The following MAF variants were observed in gnomAD, a reference collection of about 807,000 sequenced individuals.
MAF encodes the protein transcription factor Maf.
MAF carries 10 observed loss-of-function variants against 22.0 expected under a neutral mutation model. The observed-to-expected ratio is 0.45, with a 90% CI of 0.28 to 0.77. The LOEUF is 0.77. Among genes scored for constraint, MAF ranks in the 30% least tolerant of loss-of-function variants. MAF has a pLI of 0.12. For missense variants in MAF, 544 were observed against 548.4 expected (o/e 0.99, Z 0.08); for synonymous variants, 337 against 255.8 (o/e 1.32, Z -3.03).
chr16:79,574,131 G>T, the MAF span, among the ~76,000 whole-genome samples: 1 of 152,188 alleles, frequency 6.6e-6, no homozygotes, highest in Non-Finnish European at 1.5e-5. Context: ...AATTTAAAAC[G>T]TAATTGTCTT....
chr16:79,299,178 G>A, the MAF span, among the ~76,000 whole-genome samples: 2 of 152,076 alleles, frequency 1.3e-5, no homozygotes, highest in Non-Finnish European at 2.9e-5. Context: ...TGGTTAATGG[G>A]CGACCTTTGC....
chr16:79,401,342 T>A, the MAF span, among the ~76,000 whole-genome samples: 5 of 152,196 alleles, frequency 3.3e-5, no homozygotes, highest in African/African-American at 1.2e-4. Flanking sequence ...CATTCTCTCA[T>A]GGAACTCTCT....
At chr16:79,273,616 C>T in the MAF span, among the ~76,000 whole-genome samples, 1 of 152,162 alleles carries the variant, frequency 6.6e-6, no homozygotes, top group African/African-American at 2.4e-5. Context: ...TGGCTTTTGG[C>T]TCCTTCCTCT....
At chr16:79,403,497 T>C in the MAF span, among the ~76,000 whole-genome samples, 1 of 152,174 alleles carries the variant, frequency 6.6e-6, no homozygotes. Flanking sequence ...CCTGCCTCTG[T>C]GCATGCCCAC....
the MAF span, among the ~76,000 whole-genome samples, chr16:79,361,043 C>T: frequency 1.3e-5 from 2 of 152,236 alleles, no homozygotes; most frequent in Non-Finnish European, 2.9e-5. Context: ...CACATTCCAG[C>T]ACACACTATT....
the MAF span, among the ~76,000 whole-genome samples, chr16:79,261,659 C>T: frequency 6.6e-5 from 10 of 152,184 alleles, no homozygotes; most frequent in Non-Finnish European, 1.0e-4. Flanking sequence ...CGGCCTGCCC[C>T]GCCTGTCAGG....
the MAF span, among the ~76,000 whole-genome samples, chr16:79,563,992 T>C: frequency 3.3e-5 from 5 of 152,254 alleles, no homozygotes; most frequent in Non-Finnish European, 7.3e-5. Context: ...TTATTCTTAA[T>C]CTAGTTCATA....
At chr16:79,558,557 C>T in the MAF span, among the ~76,000 whole-genome samples, 1 of 152,150 alleles carries the variant, frequency 6.6e-6, no homozygotes, top group Admixed American at 6.5e-5. Flanking sequence ...TGGCATCAGA[C>T]TTTTCGGGAA....
At chr16:79,418,741 T>C in the MAF span, among the ~76,000 whole-genome samples, 1 of 152,156 alleles carries the variant, frequency 6.6e-6, no homozygotes, top group African/African-American at 2.4e-5. Flanking sequence ...TATGACTTAT[T>C]GTCGCTAAGA....
At chr16:79,403,259 C>T in the MAF span, among the ~76,000 whole-genome samples, 1 of 152,194 alleles carries the variant, frequency 6.6e-6, no homozygotes, top group Admixed American at 6.5e-5. Context: ...TTCCATTCAG[C>T]TCCCGATTTT....
chr16:79,442,197 G>C, the MAF span, among the ~76,000 whole-genome samples: 9 of 152,298 alleles, frequency 5.9e-5, no homozygotes, highest in Non-Finnish European at 1.0e-4. Context: ...AGCAAGAATA[G>C]GAATCTAATA....
chr16:79,406,150 C>T, the MAF span, among the ~76,000 whole-genome samples: 1 of 150,112 alleles, frequency 6.7e-6, no homozygotes, highest in Non-Finnish European at 1.5e-5. Context: ...CCATCCATGG[C>T]CTTTGGCTGT....
chr16:79,537,789 G>A, the MAF span, among the ~76,000 whole-genome samples: 3 of 152,108 alleles, frequency 2.0e-5, no homozygotes, highest in African/African-American at 4.8e-5. Flanking sequence ...CTCACCAGAC[G>A]AGGTCACAGA....
the MAF span, among the ~76,000 whole-genome samples, chr16:79,209,281 T>G: frequency 6.6e-6 from 1 of 152,220 alleles, no homozygotes; most frequent in Admixed American, 6.5e-5. Context: ...GCATTCTGAA[T>G]CAATGGGACT....
the MAF span, among the ~76,000 whole-genome samples, chr16:79,563,538 G>A: frequency 4.0e-5 from 6 of 150,634 alleles, no homozygotes; most frequent in Non-Finnish European, 7.4e-5. Flanking sequence ...AAATATCTCA[G>A]TAATACATTT....
the MAF span, among the ~76,000 whole-genome samples, chr16:79,240,178 A>G: frequency 6.6e-6 from 1 of 151,734 alleles, no homozygotes; most frequent in Non-Finnish European, 1.5e-5. Flanking sequence ...TGTGAAAATT[A>G]ACTTGGGGAT....
At chr16:79,331,311 G>C in the MAF span, among the ~76,000 whole-genome samples, 1 of 152,166 alleles carries the variant, frequency 6.6e-6, no homozygotes, top group Non-Finnish European at 1.5e-5. Context: ...GGTGAGGAAC[G>C]GGGTGGTGTT....
chr16:79,514,976 C>A, the MAF span, among the ~76,000 whole-genome samples: 1 of 152,202 alleles, frequency 6.6e-6, no homozygotes, highest in Non-Finnish European at 1.5e-5. Context: ...TAACTTGCCA[C>A]CATTACCGTG....
the MAF span, among the ~76,000 whole-genome samples, chr16:79,541,545 G>A: frequency 1.3e-5 from 2 of 152,052 alleles, no homozygotes; most frequent in East Asian, 1.9e-4. Flanking sequence ...AGGAAACTGA[G>A]GCTTAGGACA....
Sources: allele counts gnomAD v4.1 joint callset (sites outside exome capture counted in the v4.1 genomes callset), GRCh38; gene constraint gnomAD v4.1.1; transcripts MANE v1.5; gene names NCBI Gene and HGNC (gene_info 2026-07-23, HGNC 2026-07-21).